The following FGGY variants were observed in gnomAD, a reference collection of about 807,000 sequenced individuals.
FGGY encodes the protein FGGY carbohydrate kinase domain-containing protein.
A neutral mutation model predicts 71.3 loss-of-function variants in FGGY; 72 were observed. The ratio of observed to expected loss-of-function variants is 1.01; its 90% CI spans 0.84 to 1.23. The LOEUF (loss-of-function observed/expected upper bound fraction) is 1.23, where lower values mean the gene tolerates loss of function less well. Ranked by LOEUF, FGGY falls within the 50% of genes most tolerant of loss-of-function variation. The probability of loss-of-function intolerance (pLI) is 0.00; values close to 1 mark genes in which losing one functional copy is unlikely to be tolerated. For synonymous variants in FGGY, 251 were observed against 250.3 expected (o/e 1.00, Z -0.02); for missense variants, 668 against 682.3 (o/e 0.98, Z 0.23).
intron 2 of FGGY, among the ~76,000 whole-genome samples, chr1:59,337,920 C>A (rs1351809350): frequency 6.6e-6 from 1 of 152,176 alleles, no homozygotes; most frequent in Non-Finnish European, 1.5e-5. Context: ...TAAAAGTGAA[C>A]ATCCTTGCTT....
At chr1:59,675,557 G>A (rs1445715107) in intron 14 of FGGY, among the ~76,000 whole-genome samples, 1 of 152,182 alleles carries the variant, frequency 6.6e-6, no homozygotes, top group Non-Finnish European at 1.5e-5. Context: ...GATTCTGAGT[G>A]AGTCTTTAAA....
At chr1:59,378,179 A>C (rs1428032779) in intron 4 of FGGY, among the ~76,000 whole-genome samples, 1 of 152,068 alleles carries the variant, frequency 6.6e-6, no homozygotes, top group Non-Finnish European at 1.5e-5. Flanking sequence ...CTGTGTCCCC[A>C]CCCAAATTTC....
chr1:59,339,961 G>A lies in FGGY; in HGVS notation c.205G>A (p.Val69Ile), dbSNP rs1570626582. The change falls in exon 3 of 16, where the codon GTT becomes ATT. Residue 69 changes from valine to isoleucine, a missense_variant. Val to Ile is a conservative substitution (Grantham distance 29). Around this residue, in one of 2 missense-constraint regions of FGGY, gnomAD observed 661 missense variants for 661.6 expected, o/e 1.00. Coordinates refer to ENST00000303721, the MANE Select transcript of FGGY (RefSeq NM_018291.5). ...TTTTTATTTGTTTTTAAAACAGAAAGTTGTACAAGGGATTGATTTAAACCA... is the reference window on the plus strand; with the variant it reads ...TTTTTATTTGTTTTTAAAACAGAAAATTGTACAAGGGATTGATTTAAACCA... ...WAACCVVTKK[V>I]VQGIDLNQIR... 1 of 1,603,424 alleles carries A rather than the reference G, an allele frequency of 6.2e-7. No homozygotes were observed. The highest frequency in any genetic ancestry group is 2.2e-5 in the East Asian group (1 of 44,802).
intron 6 of FGGY, among the ~76,000 whole-genome samples, chr1:59,467,206 A>G (rs569035972): frequency 4.3e-4 from 65 of 152,306 alleles, no homozygotes; most frequent in Non-Finnish European, 6.8e-4. Flanking sequence ...TTGTAGGGAC[A>G]TGGATGAAGC....
chr1:59,487,783 T>G (rs2093697671), intron 6 of FGGY, among the ~76,000 whole-genome samples: 1 of 152,098 alleles, frequency 6.6e-6, no homozygotes, highest in South Asian at 2.1e-4. Flanking sequence ...CTAAATGCTC[T>G]TCTCACCGCT....
chr1:59,573,086 C>A (rs1185892736), intron 8 of FGGY, among the ~76,000 whole-genome samples: 2 of 152,074 alleles, frequency 1.3e-5, no homozygotes, highest in African/African-American at 4.8e-5. Flanking sequence ...AAATAACTTG[C>A]CTCTAGTCTT....
At chr1:59,505,939 C>T (rs1236777651) in intron 6 of FGGY, among the ~76,000 whole-genome samples, 1 of 151,992 alleles carries the variant, frequency 6.6e-6, no homozygotes, top group Non-Finnish European at 1.5e-5. Context: ...TTGTAGATTC[C>T]AGCTTTTGAC....
In FGGY at chr1:59,687,669, C is replaced by A. The variant is rs141842178; in HGVS notation, c.1512+13536C>A. Among the ~76,000 whole-genome samples the A allele has an allele frequency of 2.8e-3, 417 of 151,480 alleles. 2 individuals carry two copies. Among genetic ancestry groups the A allele is most frequent in the African/African-American group, 9.6e-3 (395 of 41,248 alleles). On this transcript the variant is annotated intron_variant, in intron 14 of 15. Coordinates refer to ENST00000303721, the MANE Select transcript of FGGY (RefSeq NM_018291.5). ...TTTTTAAGTAGAGATGGTGTTTCAC[C>A]GTGTTAGCCAGGATGACCTCGATCT...
chr1:59,751,147 T>C (rs2101687711), intron 14 of FGGY, among the ~76,000 whole-genome samples: 1 of 152,364 alleles, frequency 6.6e-6, no homozygotes, highest in African/African-American at 2.4e-5. Context: ...TACTACATAA[T>C]GGCTTTATGA....
intron 1 of FGGY, among the ~76,000 whole-genome samples, chr1:59,298,007 G>A (rs1301919602): frequency 1.3e-5 from 2 of 152,180 alleles, no homozygotes; most frequent in Non-Finnish European, 2.9e-5. Flanking sequence ...GGGGTGAGGT[G>A]CTTATTCTTT....
intron 5 of FGGY, among the ~76,000 whole-genome samples, chr1:59,389,770 A>G (rs1241015556): frequency 1.3e-5 from 2 of 152,190 alleles, no homozygotes; most frequent in Admixed American, 6.5e-5. Context: ...TAAAAAAATT[A>G]TACCCATTGT....
chr1:59,382,092 G>C (rs900470956), intron 5 of FGGY, among the ~76,000 whole-genome samples: 3 of 152,100 alleles, frequency 2.0e-5, no homozygotes. Flanking sequence ...TGTGAAGAAG[G>C]GAATCATTTC....
At chr1:59,654,574 A>G (rs1423276655) in intron 11 of FGGY, among the ~76,000 whole-genome samples, 1 of 152,220 alleles carries the variant, frequency 6.6e-6, no homozygotes, top group Non-Finnish European at 1.5e-5. Context: ...AAACACTTCA[A>G]TTCCTTTAAC....
At chr1:59,426,321 A>G (rs2066359487) in intron 5 of FGGY, among the ~76,000 whole-genome samples, 2 of 152,046 alleles carry the variant, frequency 1.3e-5, no homozygotes, top group Non-Finnish European at 2.9e-5. Flanking sequence ...GCGGAGCTCC[A>G]TGGCATAGAG....
Position 59,371,265 on chromosome 1 carries a change from T to G in FGGY, c.466-7484T>G, listed in dbSNP as rs1291898313. 9.9e-5 allele frequency among the ~76,000 whole-genome samples: 15 copies of G among 152,068 alleles called. No homozygotes were observed. In the East Asian group the frequency reaches 2.5e-3, roughly 26 times the overall value. On this transcript the variant is annotated intron_variant, in intron 4 of 15. Transcript: ENST00000303721. The stretch of plus-strand genomic sequence containing the variant: ...AGGCAGGGGTTGCAATCCTAGTCTC[T>G]GATAAAACAGACTTTAAACCAACAA...
intron 1 of FGGY, among the ~76,000 whole-genome samples, chr1:59,305,314 T>G: frequency 6.6e-6 from 1 of 152,204 alleles, no homozygotes; most frequent in Admixed American, 6.5e-5. Context: ...ATTGAGATGA[T>G]AGTATTTTTA....
At chr1:59,594,362 T>G (rs1179267081) in intron 8 of FGGY, among the ~76,000 whole-genome samples, 1 of 152,256 alleles carries the variant, frequency 6.6e-6, no homozygotes, top group Non-Finnish European at 1.5e-5. Flanking sequence ...GAAGGCAGTA[T>G]GTAGGGTTTG....
chr1:59,563,487 T>C (rs554939194), intron 8 of FGGY, among the ~76,000 whole-genome samples: 22 of 152,078 alleles, frequency 1.4e-4, no homozygotes, highest in Non-Finnish European at 2.5e-4. Flanking sequence ...TTACAGGGGA[T>C]ATGAAGGACC....
At chr1:59,434,290 A>T (rs1168652870) in intron 5 of FGGY, among the ~76,000 whole-genome samples, 2 of 152,218 alleles carry the variant, frequency 1.3e-5, no homozygotes, top group African/African-American at 2.4e-5. Flanking sequence ...GTATGAAAAA[A>T]ATTGGGAAGT....
Sources: allele counts gnomAD v4.1 joint callset (sites outside exome capture counted in the v4.1 genomes callset), GRCh38; gene constraint gnomAD v4.1.1; regional missense constraint gnomAD v4.1.1; transcripts MANE v1.5; gene names NCBI Gene and HGNC (gene_info 2026-07-23, HGNC 2026-07-21).